KCNMB2: variants seen among roughly 807,000 people sequenced by gnomAD.
KCNMB2 encodes the protein potassium calcium-activated channel subfamily M regulatory beta subunit 2.
Under a neutral mutation model 24.5 loss-of-function variants are expected in KCNMB2, and 9 were observed. That is an observed-to-expected ratio of 0.37 (90% CI 0.22 to 0.64). The LOEUF (loss-of-function observed/expected upper bound fraction) is 0.64, where lower values mean the gene tolerates loss of function less well. KCNMB2 is among the 30% of genes least tolerant of loss of function. The probability of loss-of-function intolerance (pLI) is 0.63; values close to 1 mark genes in which losing one functional copy is unlikely to be tolerated. For missense variants in KCNMB2, 226 were observed against 284.3 expected (o/e 0.79, Z 1.47); for synonymous variants, 109 against 104.4 (o/e 1.04, Z -0.27).
intron 1 of KCNMB2, among the ~76,000 whole-genome samples, chr3:178,720,152 C>T (rs939620129): frequency 6.6e-5 from 10 of 152,012 alleles, no homozygotes; most frequent in Admixed American, 1.3e-4. Flanking sequence ...CACAACAGGC[C>T]CCAGAGTGTG....
chr3:178,701,903 C>A (rs947855739), intron 1 of KCNMB2, among the ~76,000 whole-genome samples: 1 of 152,048 alleles, frequency 6.6e-6, no homozygotes, highest in African/African-American at 2.4e-5. Context: ...TTTGACCCAG[C>A]CATACCATTA....
intron 1 of KCNMB2, among the ~76,000 whole-genome samples, chr3:178,758,026 GGATATATATATATATCTA>G (rs754109973): frequency 0.86 from 40,014 of 46,352 alleles, 17,454 homozygotes; most frequent in East Asian, 0.97. Context: ...TATATCTAGA[GGATATATATATATATCTA>G]GATATATATA....
chr3:178,702,181 G>C (rs993426468), intron 1 of KCNMB2, among the ~76,000 whole-genome samples: 2 of 149,490 alleles, frequency 1.3e-5, no homozygotes, highest in Non-Finnish European at 3.0e-5. Flanking sequence ...CTATCACAAG[G>C]ACAAAAAACC....
intron 1 of KCNMB2, among the ~76,000 whole-genome samples, chr3:178,741,766 C>A (rs1049716556): frequency 1.3e-5 from 2 of 152,168 alleles, no homozygotes; most frequent in Non-Finnish European, 2.9e-5. Flanking sequence ...GTCTGGTCAA[C>A]AACAGACCTT....
In KCNMB2 at chr3:178,595,926, G is replaced by C. The variant is rs6802388; in HGVS notation, c.-68+59215G>C. Among the ~76,000 whole-genome samples, 13 of 152,114 alleles carry C rather than the reference G, an allele frequency of 8.5e-5. 1 individual carries two copies. Among genetic ancestry groups the C allele is most frequent in the African/African-American group, 3.1e-4 (13 of 41,460 alleles). ...CACCATTCAGTAGGTCAGATGCTCT[G>C]TGTGTGGATCTGGGTTTAATCACTA... On this transcript the variant is annotated intron_variant, in intron 1 of 4. Transcript: ENST00000452583.
chr3:178,614,712 C>G (rs902445923), intron 1 of KCNMB2, among the ~76,000 whole-genome samples: 1 of 152,162 alleles, frequency 6.6e-6, no homozygotes, highest in African/African-American at 2.4e-5. Flanking sequence ...TTCCTCAACA[C>G]AGCTATTTTG....
chr3:178,578,594 A>C (rs1477836347), intron 1 of KCNMB2, among the ~76,000 whole-genome samples: 1 of 152,216 alleles, frequency 6.6e-6, no homozygotes, highest in Non-Finnish European at 1.5e-5. Flanking sequence ...AAATTGGATA[A>C]AAAATCAAGA....
chr3:178,717,189 T>A (rs950291808), intron 1 of KCNMB2, among the ~76,000 whole-genome samples: 11 of 152,220 alleles, frequency 7.2e-5, no homozygotes, highest in African/African-American at 2.7e-4. Context: ...TTATGCTTTT[T>A]AACTTCATAT....
intron 1 of KCNMB2, among the ~76,000 whole-genome samples, chr3:178,691,841 A>C (rs1051501519): frequency 6.6e-6 from 1 of 152,148 alleles, no homozygotes; most frequent in South Asian, 2.1e-4. Flanking sequence ...ATCTTCCATA[A>C]TTGTTGAACT....
At chr3:178,841,526 A>C (rs932015779) in intron 4 of KCNMB2, 21 of 152,226 alleles carry the variant, frequency 1.4e-4, no homozygotes, top group Admixed American at 8.5e-4. Context: ...TATAAATGAA[A>C]AAGGTTTAAT....
chr3:178,707,403 T>C (rs1722313308), intron 1 of KCNMB2, among the ~76,000 whole-genome samples: 1 of 152,126 alleles, frequency 6.6e-6, no homozygotes, highest in Non-Finnish European at 1.5e-5. Flanking sequence ...GAAGTTTTGC[T>C]TCTGTTGCAG....
chr3:178,726,081 A>T (rs113537992), intron 1 of KCNMB2, among the ~76,000 whole-genome samples: 115 of 151,860 alleles, frequency 7.6e-4, no homozygotes, highest in Non-Finnish European at 1.3e-3. Context: ...GTTTTTAATT[A>T]TCTCAGTGAA....
In KCNMB2 at chr3:178,759,642, T is replaced by TATAC. The variant is rs1195778664; in HGVS notation, c.-67-47698_-67-47697insCATA. ...ATATATCTCTCTCCAAGAGGATATA[T>TATAC]ATATATATATCTCCAAGAGGGATAT... On this transcript the variant is annotated intron_variant, in intron 1 of 4. Coordinates refer to ENST00000452583, the MANE Select transcript of KCNMB2 (RefSeq NM_181361.3). Among the ~76,000 whole-genome samples, 107 of 114,448 alleles carry TATAC rather than the reference T, an allele frequency of 9.3e-4. 8 individuals carry two copies. The highest frequency in any genetic ancestry group is 3.0e-3 in the African/African-American group (90 of 29,870). The allele number at this position is 114,448 out of a possible 152,430, so 75.1% of individuals were successfully genotyped here.
chr3:178,809,706 C>T (rs188264005), intron 2 of KCNMB2, among the ~76,000 whole-genome samples: 71 of 152,282 alleles, frequency 4.7e-4, no homozygotes, highest in African/African-American at 1.6e-3. Flanking sequence ...ATGTGACTGA[C>T]GTATTGGTAA....
At chr3:178,745,712 T>A (rs374963819) in intron 1 of KCNMB2, among the ~76,000 whole-genome samples, 1 of 152,298 alleles carries the variant, frequency 6.6e-6, no homozygotes, top group African/African-American at 2.4e-5. Context: ...GGGTACAGCA[T>A]TGGGTAAATA....
At chr3:178,785,750 A>C (rs1713075449) in intron 1 of KCNMB2, among the ~76,000 whole-genome samples, 1 of 152,148 alleles carries the variant, frequency 6.6e-6, no homozygotes, top group Non-Finnish European at 1.5e-5. Context: ...TCTCTTTTAA[A>C]GTATACACCC....
chr3:178,572,978 T>G (rs1232591854), intron 1 of KCNMB2, among the ~76,000 whole-genome samples: 1 of 152,182 alleles, frequency 6.6e-6, no homozygotes, highest in Non-Finnish European at 1.5e-5. Flanking sequence ...CTCCAGAAAC[T>G]ATTATGAACA....
At chr3:178,699,076 G>A (rs991314333) in intron 1 of KCNMB2, among the ~76,000 whole-genome samples, 1 of 152,258 alleles carries the variant, frequency 6.6e-6, no homozygotes. Flanking sequence ...AGTGGTGGGG[G>A]CAATGCAACC....
intron 1 of KCNMB2, among the ~76,000 whole-genome samples, chr3:178,599,533 G>C (rs925978517): frequency 5.3e-5 from 8 of 152,096 alleles, no homozygotes; most frequent in African/African-American, 1.9e-4. Context: ...CAGGTGTTTT[G>C]TGTTCTGCAC....
Sources: gnomAD v4.1 joint callset for allele counts (sites outside exome capture counted in the v4.1 genomes callset) on GRCh38, gnomAD v4.1.1 for gene constraint, MANE v1.5 for transcripts, NCBI Gene and HGNC (gene_info 2026-07-23, HGNC 2026-07-21) for gene names.